Variants in HS2ST1 observed in about 807,000 individuals in gnomAD.
The protein encoded by HS2ST1 is heparan sulfate 2-O-sulfotransferase 1.
HS2ST1 carries 18 observed loss-of-function variants against 42.9 expected under a neutral mutation model. That is an observed-to-expected ratio of 0.42 (90% CI 0.29 to 0.62). The LOEUF (loss-of-function observed/expected upper bound fraction) is 0.62. Among genes scored for constraint, HS2ST1 ranks in the 20% least tolerant of loss-of-function variants. The pLI is 0.21. For missense variants in HS2ST1, 334 were observed against 433.8 expected (o/e 0.77, Z 2.04); for synonymous variants, 146 against 152.9 (o/e 0.95, Z 0.33).
At chr1:87,001,346 T>C (rs1649279215) in intron 1 of HS2ST1, among the ~76,000 whole-genome samples, 1 of 152,306 alleles carries the variant, frequency 6.6e-6, no homozygotes, top group East Asian at 1.9e-4. Flanking sequence ...TATTTACTTT[T>C]GGGGGATAAA....
intron 1 of HS2ST1, among the ~76,000 whole-genome samples, chr1:86,920,478 G>T (rs1660269617): frequency 6.7e-6 from 1 of 149,890 alleles, no homozygotes; most frequent in African/African-American, 2.5e-5. Context: ...TAGGAATACA[G>T]TTATTCTAGA....
intron 1 of HS2ST1, among the ~76,000 whole-genome samples, chr1:87,043,844 G>A (rs896050184): frequency 6.6e-6 from 1 of 151,816 alleles, no homozygotes; most frequent in Non-Finnish European, 1.5e-5. Context: ...TATTTAGTTG[G>A]GTGACTATAT....
At chr1:87,045,461 A>C in intron 1 of HS2ST1, 1 of 1,124,802 alleles carries the variant, frequency 8.9e-7, no homozygotes, top group Non-Finnish European at 1.4e-6. Flanking sequence ...CTTGTCTCGT[A>C]AGGTGAGAAC....
At chr1:86,981,563 G>A (rs1401447734) in intron 1 of HS2ST1, among the ~76,000 whole-genome samples, 1 of 152,078 alleles carries the variant, frequency 6.6e-6, no homozygotes, top group Non-Finnish European at 1.5e-5. Context: ...CAAAACAAAG[G>A]GGCCATAGGC....
At chr1:86,949,787 A>G (rs548587063) in intron 1 of HS2ST1, among the ~76,000 whole-genome samples, 2 of 152,284 alleles carry the variant, frequency 1.3e-5, no homozygotes, top group South Asian at 2.1e-4. Flanking sequence ...GTTCTAAGCT[A>G]TGTTTTCAGT....
At chr1:87,069,859 A>T (rs1651356768) in intron 1 of HS2ST1, among the ~76,000 whole-genome samples, 1 of 152,234 alleles carries the variant, frequency 6.6e-6, no homozygotes, top group Non-Finnish European at 1.5e-5. Flanking sequence ...TTACTTTTTA[A>T]AAACATATTT....
At position 87,055,210 on chromosome 1, in the gene HS2ST1, G is replaced by A. The variant is rs561771634; in HGVS notation, c.125-17724G>A. Among the ~76,000 whole-genome samples, 21 of 152,296 alleles carry A rather than the reference G, an allele frequency of 1.4e-4. No homozygotes were observed. The South Asian group carries it at 4.1e-3, about 30-fold the overall frequency. ...TGAAAATGGGCTCTTCCACAGACCAGCTACATACTTGATTTCTCAGTTTGA... is the reference window on the plus strand; with the variant it reads ...TGAAAATGGGCTCTTCCACAGACCAACTACATACTTGATTTCTCAGTTTGA... On this transcript the variant is annotated intron_variant, in intron 1 of 6. Coordinates refer to ENST00000370550, the MANE Select transcript of HS2ST1 (RefSeq NM_012262.4).
intron 1 of HS2ST1, among the ~76,000 whole-genome samples, chr1:86,927,608 T>G (rs1660449304): frequency 6.6e-6 from 1 of 152,140 alleles, no homozygotes; most frequent in Non-Finnish European, 1.5e-5. Context: ...TTTGTACAGG[T>G]AAGCACTCAG....
chr1:87,050,046 T>G (rs562325969), intron 1 of HS2ST1, among the ~76,000 whole-genome samples: 1 of 152,190 alleles, frequency 6.6e-6, no homozygotes, highest in South Asian at 2.1e-4. Flanking sequence ...CCATTTGTCA[T>G]GAATATGGCT....
chr1:87,002,609 C>CA (rs61052257), intron 1 of HS2ST1, among the ~76,000 whole-genome samples: 286 of 98,220 alleles, frequency 2.9e-3, no homozygotes, highest in Admixed American at 9.4e-3. Context: ...GACTTTGTCT[C>CA]AAAAAAAAAA....
intron 1 of HS2ST1, among the ~76,000 whole-genome samples, chr1:87,016,954 T>C (rs1423146382): frequency 6.6e-6 from 1 of 152,148 alleles, no homozygotes; most frequent in Non-Finnish European, 1.5e-5. Flanking sequence ...ATATGTTATC[T>C]TTAGGGTGCC....
At position 87,075,856 on chromosome 1, in the gene HS2ST1, G is replaced by C. The variant is rs1651529595; in HGVS notation, c.363+2684G>C. ...AGTTATATATATTCTGCTATCCTTA[G>C]AAATAGTTGTCAACTCTGCTTTTGA... On this transcript the variant is annotated intron_variant, in intron 2 of 6. Transcript: ENST00000370550. Among the ~76,000 whole-genome samples the C allele has an allele frequency of 5.3e-5, 8 of 151,946 alleles. No individual in the cohort carries two copies. In the South Asian group the frequency reaches 1.7e-3, roughly 32 times the overall value.
chr1:86,982,043 A>G (rs1462502688), intron 1 of HS2ST1, among the ~76,000 whole-genome samples: 2 of 152,230 alleles, frequency 1.3e-5, no homozygotes, highest in Non-Finnish European at 2.9e-5. Flanking sequence ...TCTTCTGTGC[A>G]CCCACAGGCC....
rs369171727 is a variant in HS2ST1, at chr1:87,106,094, T to C, written c.*1398T>C. On this transcript the variant is annotated 3_prime_UTR_variant, in exon 7 of 7. Transcript: ENST00000370550. Reference sequence around the variant, plus strand: ...TGAAAATTGTAAAGCGCTATGTAAATGTAAGGTATTATAGAAACATCTTTA... The same window carrying C: ...TGAAAATTGTAAAGCGCTATGTAAACGTAAGGTATTATAGAAACATCTTTA... 66 of 152,644 alleles carry C rather than the reference T, an allele frequency of 4.3e-4. No individual in the cohort carries two copies. The highest frequency in any genetic ancestry group is 1.5e-3 in the African/African-American group (64 of 41,564). 9.5% of individuals were successfully genotyped at this position (152,644 alleles called of 1,614,324 possible). A position where few individuals can be genotyped will look rare whatever the true frequency, so the allele number is the denominator to read the frequency against.
chr1:86,947,300 G>T (rs1398030154), intron 1 of HS2ST1, among the ~76,000 whole-genome samples: 1 of 152,164 alleles, frequency 6.6e-6, no homozygotes. Context: ...CTCCTAATAG[G>T]CATTATATTA....
intron 1 of HS2ST1, among the ~76,000 whole-genome samples, chr1:86,932,906 G>A (rs1660573412): frequency 6.6e-6 from 1 of 152,132 alleles, no homozygotes; most frequent in African/African-American, 2.4e-5. Flanking sequence ...TTATACATTA[G>A]AAAATATAAT....
chr1:86,994,992 C>A (rs965508458), intron 1 of HS2ST1, among the ~76,000 whole-genome samples: 1 of 151,702 alleles, frequency 6.6e-6, no homozygotes, highest in Admixed American at 6.6e-5. Context: ...TTAATGCTTG[C>A]TTAAAAAAAC....
chr1:87,062,837 A>T (rs1651150272), intron 1 of HS2ST1, among the ~76,000 whole-genome samples: 1 of 152,146 alleles, frequency 6.6e-6, no homozygotes, highest in Non-Finnish European at 1.5e-5. Flanking sequence ...CTTGAAAAAC[A>T]TTGTGCCACT....
intron 1 of HS2ST1, among the ~76,000 whole-genome samples, chr1:87,052,920 T>C (rs545228057): frequency 2.8e-4 from 43 of 152,326 alleles, no homozygotes; most frequent in African/African-American, 1.0e-3. Context: ...CATTGGGAAC[T>C]GGACTGGCAA....
Sources: gnomAD v4.1 joint callset for allele counts (sites outside exome capture counted in the v4.1 genomes callset) on GRCh38, gnomAD v4.1.1 for gene constraint, MANE v1.5 for transcripts, NCBI Gene and HGNC (gene_info 2026-07-23, HGNC 2026-07-21) for gene names.